Variants in RIMS2 observed in about 807,000 individuals in gnomAD.
RIMS2 encodes the protein regulating synaptic membrane exocytosis protein 2.
In RIMS2, 59 loss-of-function variants were observed where a neutral mutation model predicts 174.4. The ratio of observed to expected loss-of-function variants is 0.34; its 90% confidence interval spans 0.27 to 0.42. RIMS2 has a LOEUF of 0.42. Ranked by LOEUF, RIMS2 falls within the 10% of genes least tolerant of loss-of-function variation. The pLI is 1.00. For synonymous variants in RIMS2, 606 were observed against 572.5 expected (o/e 1.06, Z -0.84); for missense variants, 1,620 against 1,666.3 (o/e 0.97, Z 0.48).
chr8:103,721,632 A>G (rs2097449989), intron 2 of RIMS2, among the ~76,000 whole-genome samples: 1 of 152,152 alleles, frequency 6.6e-6, no homozygotes, highest in Non-Finnish European at 1.5e-5. Context: ...CAGGTCATAC[A>G]TTTTTATTAT....
chr8:103,592,698 G>A (rs948837117), intron 1 of RIMS2, among the ~76,000 whole-genome samples: 1 of 151,252 alleles, frequency 6.6e-6, no homozygotes, highest in African/African-American at 2.4e-5. Flanking sequence ...TTTACATCTG[G>A]TGCAGAAGCA....
chr8:103,642,745 C>G (rs999677518), intron 1 of RIMS2, among the ~76,000 whole-genome samples: 2 of 151,844 alleles, frequency 1.3e-5, no homozygotes, highest in African/African-American at 4.8e-5. Context: ...ATATTTCATT[C>G]TACCTTTTTC....
intron 1 of RIMS2, among the ~76,000 whole-genome samples, chr8:103,650,260 G>C (rs557501190): frequency 2.4e-4 from 37 of 152,274 alleles, no homozygotes; most frequent in African/African-American, 8.2e-4. Flanking sequence ...ACCAGTGAAA[G>C]CTGTGAACCA....
chr8:103,747,639 T>C (rs981283843), intron 2 of RIMS2, among the ~76,000 whole-genome samples: 1 of 152,006 alleles, frequency 6.6e-6, no homozygotes, highest in African/African-American at 2.4e-5. Context: ...TGTGGATGTA[T>C]CTTAAAAGTG....
intron 3 of RIMS2, among the ~76,000 whole-genome samples, chr8:103,840,783 C>A (rs928504450): frequency 6.6e-6 from 1 of 151,934 alleles, no homozygotes; most frequent in South Asian, 2.1e-4. Context: ...GGGAATGAAA[C>A]GGTTCAAGAG....
intron 14 of RIMS2, 111 bp from the exon 17 acceptor site, chr8:103,960,954 T>C: frequency 1.4e-6 from 1 of 707,744 alleles, no homozygotes; most frequent in East Asian, 2.5e-5. Context: ...TACATATTTT[T>C]TGTTATTAAC....
At chr8:103,623,732 G>T (rs564315250) in intron 1 of RIMS2, among the ~76,000 whole-genome samples, 24 of 151,250 alleles carry the variant, frequency 1.6e-4, no homozygotes, top group African/African-American at 2.7e-4. Context: ...CTCGTGATCC[G>T]CCCGCTTCGG....
chr8:103,953,359 G>A (rs1192831317), intron 14 of RIMS2, among the ~76,000 whole-genome samples: 10 of 152,112 alleles, frequency 6.6e-5, no homozygotes, highest in East Asian at 1.9e-4. Context: ...GAGAAAGGGC[G>A]AGTTACCCAC....
intron 19 of RIMS2, among the ~76,000 whole-genome samples, chr8:104,057,851 G>T (rs1171216433): frequency 2.0e-5 from 3 of 150,806 alleles, no homozygotes; most frequent in Admixed American, 6.6e-5. Flanking sequence ...AGTTTACTGA[G>T]AATGATGATT....
chr8:103,758,352 T>G (rs1424378820), intron 2 of RIMS2, among the ~76,000 whole-genome samples: 1 of 152,210 alleles, frequency 6.6e-6, no homozygotes, highest in Admixed American at 6.5e-5. Flanking sequence ...AGTGATATTT[T>G]ACATTAGTGA....
intron 3 of RIMS2, among the ~76,000 whole-genome samples, chr8:103,835,052 T>C (rs561499487): frequency 2.3e-3 from 350 of 152,012 alleles, no homozygotes; most frequent in African/African-American, 8.1e-3. Context: ...ATTACAGGCA[T>C]GAGCCCACTG....
intron 1 of RIMS2, among the ~76,000 whole-genome samples, chr8:103,543,327 G>A (rs562609178): frequency 2.0e-5 from 3 of 152,056 alleles, no homozygotes; most frequent in Non-Finnish European, 2.9e-5. Context: ...ATAAGTACAC[G>A]GAAAAGTATA....
chr8:103,734,867 C>G (rs1039491780), intron 2 of RIMS2, among the ~76,000 whole-genome samples: 23 of 152,046 alleles, frequency 1.5e-4, no homozygotes, highest in Non-Finnish European at 2.6e-4. Flanking sequence ...TATTATAAGG[C>G]CTGAAATACT....
intron 10 of RIMS2, among the ~76,000 whole-genome samples, chr8:103,926,870 T>C (rs982724981): frequency 6.6e-6 from 1 of 151,518 alleles, no homozygotes; most frequent in Middle Eastern, 3.2e-3. Flanking sequence ...AAAACAAAAG[T>C]CAGTAAGAGA....
intron 1 of RIMS2, among the ~76,000 whole-genome samples, chr8:103,562,307 TC>T (rs1303058627): frequency 5.3e-5 from 8 of 152,308 alleles, no homozygotes; most frequent in Non-Finnish European, 8.8e-5. Context: ...ATTAGTTACT[TC>T]CTAGATACAG....
intron 19 of RIMS2, among the ~76,000 whole-genome samples, chr8:104,031,851 G>A (rs1208507277): frequency 6.6e-6 from 1 of 152,032 alleles, no homozygotes; most frequent in East Asian, 1.9e-4. Flanking sequence ...GTGTGTGCTT[G>A]TTGTACCTCA....
intron 19 of RIMS2, among the ~76,000 whole-genome samples, chr8:104,171,514 A>C (rs201430609): frequency 3.4e-5 from 4 of 117,456 alleles, no homozygotes; most frequent in Admixed American, 9.0e-5. Context: ...ATATATATAT[A>C]TCTCTCTCTG....
intron 3 of RIMS2, among the ~76,000 whole-genome samples, chr8:103,793,362 C>CT (rs1395352385): frequency 6.6e-6 from 1 of 152,090 alleles, no homozygotes; most frequent in Non-Finnish European, 1.5e-5. Flanking sequence ...CAGAAAAGGC[C>CT]TTCGAGAAAA....
intron 3 of RIMS2, among the ~76,000 whole-genome samples, chr8:103,856,927 C>T (rs1369887109): frequency 6.6e-6 from 1 of 152,106 alleles, no homozygotes; most frequent in Non-Finnish European, 1.5e-5. Context: ...CTGCCTCAAC[C>T]TCCCGAGTAG....
Sources: allele counts gnomAD v4.1 joint callset (sites outside exome capture counted in the v4.1 genomes callset), GRCh38; gene constraint gnomAD v4.1.1; transcripts MANE v1.5; gene names NCBI Gene and HGNC (gene_info 2026-07-23, HGNC 2026-07-21).